The following CTNNA3 variants were observed in gnomAD, a reference collection of about 807,000 sequenced individuals.
CTNNA3 encodes the protein catenin alpha-3.
A neutral mutation model predicts 95.7 loss-of-function variants in CTNNA3; 76 were observed. The observed-to-expected ratio is 0.79, with a 90% CI of 0.66 to 0.96. The LOEUF is 0.96. Ranked by LOEUF, CTNNA3 falls within the 40% of genes least tolerant of loss-of-function variation. CTNNA3 has a pLI of 0.00. For missense variants in CTNNA3, 1,191 were observed against 1,089.8 expected (o/e 1.09, Z -1.31); for synonymous variants, 431 against 374.4 (o/e 1.15, Z -1.74).
At chr10:66,531,268 T>C (rs34369340) in intron 10 of CTNNA3, among the ~76,000 whole-genome samples, 4,060 of 151,956 alleles carry the variant, frequency 0.027, 223 homozygotes, top group East Asian at 0.22. Flanking sequence ...CAGTACTTAG[T>C]TTTGTGTGGT....
rs1185010234 is a variant in CTNNA3 at position 65,918,020 on chromosome 10, G to A, written c.*2310C>T. ...GATTAACTCCTAGGATATTCATTGAGTTAAAATTTTTATTGTTTTATTTAA... is the reference window on the plus strand; with the variant it reads ...GATTAACTCCTAGGATATTCATTGAATTAAAATTTTTATTGTTTTATTTAA... On this transcript the variant is annotated 3_prime_UTR_variant, in exon 18 of 18. Transcript: ENST00000433211. 2 of 152,112 alleles carry A rather than the reference G, an allele frequency of 1.3e-5. No individual in the cohort carries two copies. Among genetic ancestry groups the A allele is most frequent in the Non-Finnish European group, 2.9e-5 (2 of 68,022 alleles). The allele number at this position is 152,112 out of a possible 1,614,324, so 9.4% of individuals were successfully genotyped here. A position where few individuals can be genotyped will look rare whatever the true frequency, so the allele number is the denominator to read the frequency against.
At chr10:67,720,129 CTTTTTTTTT>C (rs58074397) in intron 1 of CTNNA3, among the ~76,000 whole-genome samples, 1 of 6,614 alleles carries the variant, frequency 1.5e-4, no homozygotes, top group Non-Finnish European at 3.6e-4. Flanking sequence ...GCAACCCCTG[CTTTTTTTTT>C]TTTTTTTTTT....
At position 67,706,163 on chromosome 10, in the gene CTNNA3, C is replaced by A. The variant is rs117377381; in HGVS notation, c.-2+57271G>T. Among the ~76,000 whole-genome samples the A allele has an allele frequency of 3.9e-4, 59 of 151,884 alleles. No individual in the cohort carries two copies. In the East Asian group the frequency reaches 0.011, roughly 27 times the overall value. On this transcript the variant is annotated intron_variant, in intron 1 of 17. Transcript: ENST00000684154. ...GGCAGAACCATCTTGTAAAAATAGC[C>A]GAAACTCTCCAGTTAGGAAAGAGTT...
chr10:66,610,271 T>C (rs1844281123), intron 10 of CTNNA3, among the ~76,000 whole-genome samples: 1 of 151,786 alleles, frequency 6.6e-6, no homozygotes, highest in African/African-American at 2.4e-5. Context: ...GGAGCAATGC[T>C]TCAGGCCCCG....
At chr10:66,533,300 C>A (rs1841535253) in intron 10 of CTNNA3, among the ~76,000 whole-genome samples, 1 of 152,072 alleles carries the variant, frequency 6.6e-6, no homozygotes, top group Non-Finnish European at 1.5e-5. Flanking sequence ...GCAGGGCTCA[C>A]CTAAAGCATT....
At chr10:66,111,649 T>C (rs899729663) in intron 13 of CTNNA3, among the ~76,000 whole-genome samples, 1 of 152,152 alleles carries the variant, frequency 6.6e-6, no homozygotes, top group Admixed American at 6.5e-5. Flanking sequence ...AGATATTCCA[T>C]AGAGTTATAT....
At chr10:67,144,915 T>C (rs1163163207) in intron 7 of CTNNA3, among the ~76,000 whole-genome samples, 1 of 152,198 alleles carries the variant, frequency 6.6e-6, no homozygotes, top group Non-Finnish European at 1.5e-5. Flanking sequence ...TCAACATGCC[T>C]TCCTAACTAA....
chr10:67,491,109 C>T (rs1031466191), intron 5 of CTNNA3, among the ~76,000 whole-genome samples: 2 of 151,810 alleles, frequency 1.3e-5, no homozygotes, highest in Admixed American at 6.6e-5. Flanking sequence ...AATATCCCCT[C>T]AAAAAAACCA....
At chr10:66,005,464 G>C (rs191020935) in intron 15 of CTNNA3, among the ~76,000 whole-genome samples, 1 of 152,208 alleles carries the variant, frequency 6.6e-6, no homozygotes, top group East Asian at 1.9e-4. Context: ...CCAGTGAAAG[G>C]GTCAGGTTCT....
chr10:66,716,486 C>T (rs1283565869), intron 9 of CTNNA3, among the ~76,000 whole-genome samples: 3 of 152,120 alleles, frequency 2.0e-5, no homozygotes, highest in African/African-American at 7.2e-5. Context: ...TATCTTTTTG[C>T]TACTAGGATG....
rs199946710 is a variant in CTNNA3, at chr10:66,300,941, T to TA, written c.1733-20321dup. ...TTTACAAGCCCGTAGCCAGGTTAACTAAAAAAAAAGAGAGAAGATACAAAT... is the reference window on the plus strand; with the variant it reads ...TTTACAAGCCCGTAGCCAGGTTAACTAAAAAAAAAAGAGAGAAGATACAAAT... On this transcript the variant is annotated intron_variant, in intron 12 of 17. Transcript: ENST00000433211. Among the ~76,000 whole-genome samples the TA allele has an allele frequency of 1.6e-3, 239 of 149,426 alleles. 1 individual carries two copies. Among genetic ancestry groups the TA allele is most frequent in the Admixed American group, 2.9e-3 (44 of 15,016 alleles).
chr10:65,981,166 C>T (rs2078312293), intron 16 of CTNNA3, among the ~76,000 whole-genome samples: 2 of 151,926 alleles, frequency 1.3e-5, no homozygotes, highest in African/African-American at 4.8e-5. Context: ...AACATTAATG[C>T]ATTCAAATCA....
At chr10:67,128,226 A>T (rs1023229079) in intron 7 of CTNNA3, among the ~76,000 whole-genome samples, 1 of 152,166 alleles carries the variant, frequency 6.6e-6, no homozygotes, top group African/African-American at 2.4e-5. Context: ...TTTAGATAAG[A>T]TTAACATTTA....
At chr10:66,702,990 T>C (rs1394721333) in intron 9 of CTNNA3, among the ~76,000 whole-genome samples, 1 of 152,150 alleles carries the variant, frequency 6.6e-6, no homozygotes, top group Non-Finnish European at 1.5e-5. Flanking sequence ...CATTGGTCAA[T>C]GAAGAATTGG....
chr10:67,049,445 A>G (rs1458931074), intron 7 of CTNNA3, among the ~76,000 whole-genome samples: 1 of 152,158 alleles, frequency 6.6e-6, no homozygotes, highest in East Asian at 1.9e-4. Context: ...TAATTATTCT[A>G]TAATCTAAAT....
At chr10:66,431,197 C>T (rs1444850354) in intron 11 of CTNNA3, among the ~76,000 whole-genome samples, 3 of 152,122 alleles carry the variant, frequency 2.0e-5, no homozygotes, top group African/African-American at 4.8e-5. Flanking sequence ...CACAATGAGA[C>T]ATCGTCTCAC....
Position 66,925,017 on chromosome 10 carries a change from A to G in CTNNA3, c.1048-149493T>C, listed in dbSNP as rs558329942. ...AAGAAATTTAGGCAATTCTAATAGA[A>G]CAAGCAAGAATTTGCTAATCACAGC... On this transcript the variant is annotated intron_variant, in intron 7 of 17. Transcript: ENST00000433211. Among the ~76,000 whole-genome samples the G allele has an allele frequency of 1.7e-4, 26 of 152,298 alleles. 1 individual carries two copies. The highest frequency in any genetic ancestry group is 1.7e-3 in the South Asian group (8 of 4,814).
intron 7 of CTNNA3, among the ~76,000 whole-genome samples, chr10:66,979,501 C>T (rs531913032): frequency 3.3e-5 from 5 of 152,068 alleles, no homozygotes; most frequent in Non-Finnish European, 4.4e-5. Context: ...TGGAAAATTT[C>T]GGCCCAGGGT....
intron 7 of CTNNA3, chr10:66,928,152 C>G: frequency 6.2e-7 from 1 of 1,614,092 alleles, no homozygotes; most frequent in Non-Finnish European, 8.5e-7. Flanking sequence ...ATGCTGACGC[C>G]GAGCACATCT....
Sources: gnomAD v4.1 joint callset for allele counts (sites outside exome capture counted in the v4.1 genomes callset) on GRCh38, gnomAD v4.1.1 for gene constraint, MANE v1.5 for transcripts, NCBI Gene and HGNC (gene_info 2026-07-23, HGNC 2026-07-21) for gene names.